Variants in PLCXD1 observed in about 807,000 individuals in gnomAD.
The protein encoded by PLCXD1 is PI-PLC X domain-containing protein 1.
In PLCXD1, 45 loss-of-function variants were observed where a neutral mutation model predicts 37.8. The observed-to-expected ratio is 1.19, with a 90% confidence interval of 0.94 to 1.53. PLCXD1 has a LOEUF of 1.53. Ranked by LOEUF, PLCXD1 falls within the 40% of genes most tolerant of loss-of-function variation. The pLI, the probability that PLCXD1 is intolerant of heterozygous loss-of-function variation, is 0.00. For synonymous variants in PLCXD1, 246 were observed against 206.9 expected (o/e 1.19, Z -1.62); for missense variants, 539 against 454.7 (o/e 1.19, Z -1.69).
At chrX:281,081 AGGCCGTGCAGGGGGAGGGGG>A (rs2069262884), upstream of PLCXD1, 1 of 11,462 alleles carries the variant, frequency 8.7e-5, no homozygotes, top group African/African-American at 5.3e-4. Context: ...GGGGGAGGGG[AGGCCGTGCAGGGGGAGGGGG>A]GGCCGTGCAG....
At chrX:293,564 G>A (rs1470964455) in intron 6 of PLCXD1, among the ~76,000 whole-genome samples, 3 of 152,036 alleles carry the variant, frequency 2.0e-5, no homozygotes, top group East Asian at 1.9e-4. Context: ...GTTCGAGACC[G>A]GCCTGACCAA....
chrX:289,385 C>T (rs1273837827), intron 3 of PLCXD1, among the ~76,000 whole-genome samples: 1 of 151,954 alleles, frequency 6.6e-6, no homozygotes, highest in Non-Finnish European at 1.5e-5. Context: ...CCGCGCCCGG[C>T]CCAGCATTTT....
upstream of PLCXD1, among the ~76,000 whole-genome samples, chrX:279,775 G>GAAAA (rs1557374205): frequency 7.1e-6 from 1 of 140,330 alleles, no homozygotes; most frequent in African/African-American, 2.6e-5. Context: ...CCCTGTCTCT[G>GAAAA]AAAAAAAAAA....
At position 298,929 on chromosome X, in the gene PLCXD1, T is replaced by C. The variant is rs183151723; in HGVS notation, c.734-168T>C. ...CGACGTGAGCATCTTTGGGGTTGTC[T>C]ACTGCCCACCACGCTTTATAAGCAA... On this transcript the variant is annotated intron_variant, in intron 6 of 6. Transcript: ENST00000381657. Among the ~76,000 whole-genome samples, 796 of 152,254 alleles carry C rather than the reference T, an allele frequency of 5.2e-3. 9 individuals carry two copies. The highest frequency in any genetic ancestry group is 0.018 in the African/African-American group (758 of 41,530).
Position 298,683 on chromosome X carries a change from T to C in PLCXD1, c.734-414T>C, listed in dbSNP as rs1244828797. 3.8e-5 allele frequency among the ~76,000 whole-genome samples: 2 copies of C among 52,694 alleles called. 1 individual carries two copies. The highest frequency in any genetic ancestry group is 3.9e-4 in the African/African-American group (2 of 5,118). The allele number at this position is 52,694 out of a possible 152,430, so 34.6% of individuals were successfully genotyped here. ...TAGGACGTGGACATCTTTGGGGACATTATTCTGTCTATCACATGGGGATCA... is the reference window on the plus strand; with the variant it reads ...TAGGACGTGGACATCTTTGGGGACACTATTCTGTCTATCACATGGGGATCA... On this transcript the variant is annotated intron_variant, in intron 6 of 6. Transcript: ENST00000381657.
In PLCXD1 at chrX:299,324, C is replaced by T; in HGVS notation, c.961C>T (p.Leu321=). 6.2e-7 allele frequency: 1 copy of T among 1,611,714 alleles called. No homozygotes were observed. Among genetic ancestry groups the T allele is most frequent in the Non-Finnish European group, 8.5e-7 (1 of 1,177,854 alleles). The stretch of plus-strand genomic sequence containing the variant: ...CGTCATCGCGCTCAATCAGAAGCTG[C>T]TGTGGTGCTGACGGGACCCTTCTGA... ...SDVIALNQKL[L]WC is the part of the protein sequence containing the mutation. Residue 321 remains leucine, a synonymous_variant, in exon 7 of 7, where the codon CTG becomes TTG. Transcript: ENST00000381657.
chrX:288,952 C>A (rs1368071578), intron 3 of PLCXD1, 83 bp downstream of exon 3: 1 of 1,383,488 alleles, frequency 7.2e-7, no homozygotes, highest in African/African-American at 1.4e-5. Context: ...TGGCCCCTCA[C>A]CCAGGTAGGG....
chrX:294,259 G>A (rs899308180), intron 6 of PLCXD1, among the ~76,000 whole-genome samples: 1 of 152,088 alleles, frequency 6.6e-6, no homozygotes, highest in Non-Finnish European at 1.5e-5. Flanking sequence ...GAGGCGGGCG[G>A]ATCATGAGGT....
In PLCXD1 at chrX:298,995, C is replaced by G. The variant is rs2069905066; in HGVS notation, c.734-102C>G. The G allele has an allele frequency of 8.7e-6, 8 of 919,362 alleles. No homozygotes were observed. The East Asian group carries it at 1.2e-4, about 14-fold the overall frequency. The allele number at this position is 919,362 out of a possible 1,614,324, so 57.0% of individuals were successfully genotyped here. ...CTTGTTGGACATGGTGCTTTCAACT[C>G]TTAATTCCTGAGATGCGAACCTCTA... On this transcript the variant is annotated intron_variant, in intron 6 of 6. Transcript: ENST00000381657.
chrX:287,854 G>C (rs2069508007), intron 2 of PLCXD1, among the ~76,000 whole-genome samples: 1 of 151,910 alleles, frequency 6.6e-6, no homozygotes, highest in Non-Finnish European at 1.5e-5. Flanking sequence ...ACAAAGGTCT[G>C]TGTTTCTTGC....
At chrX:281,317 G>A (rs1185072668), upstream of PLCXD1, 3 of 161,268 alleles carry the variant, frequency 1.9e-5, no homozygotes, top group Non-Finnish European at 2.7e-5. Flanking sequence ...GATAAAGAAT[G>A]GGCTCCTCCT....
chrX:296,760 G>C (rs893339077), intron 6 of PLCXD1, among the ~76,000 whole-genome samples: 70 of 147,104 alleles, frequency 4.8e-4, no homozygotes, highest in African/African-American at 1.8e-3. Context: ...ATGTGGACAA[G>C]TTTGGGGCCA....
chrX:292,920 C>A, intron 5 of PLCXD1, 115 bp from the exon 6 acceptor site: 1 of 672,376 alleles, frequency 1.5e-6, no homozygotes, highest in South Asian at 2.3e-5. Flanking sequence ...GCCAGAATTT[C>A]ATTTTTGGTT....
rs973616736 is a variant in PLCXD1 at position 299,659 on chromosome X, A to G, written c.*324A>G. 7 of 455,944 alleles carry G rather than the reference A, an allele frequency of 1.5e-5. No homozygotes were observed. Among genetic ancestry groups the G allele is most frequent in the Non-Finnish European group, 2.8e-5 (7 of 251,598 alleles). The allele number at this position is 455,944 out of a possible 1,614,324, so 28.2% of individuals were successfully genotyped here. A position where few individuals can be genotyped will look rare whatever the true frequency, so the allele number is the denominator to read the frequency against. On this transcript the variant is annotated 3_prime_UTR_variant, in exon 7 of 7. Coordinates refer to ENST00000381657, the MANE Select transcript of PLCXD1 (RefSeq NM_018390.4). ...GTAGTCCCAGTTACTCGGGAGGCTCAGGCAGGAGAACTGCTTGAAGCCGGG... is the reference window on the plus strand; with the variant it reads ...GTAGTCCCAGTTACTCGGGAGGCTCGGGCAGGAGAACTGCTTGAAGCCGGG...
intron 6 of PLCXD1, among the ~76,000 whole-genome samples, chrX:295,650 G>T (rs1185060427): frequency 1.0e-4 from 15 of 148,412 alleles, no homozygotes; most frequent in Non-Finnish European, 2.2e-4. Flanking sequence ...TCAGCCTCCT[G>T]AGTAGCTGGG....
intron 6 of PLCXD1, 49 bp from the exon 7 acceptor site, chrX:299,048 C>G (rs772527833): frequency 2.2e-6 from 3 of 1,348,124 alleles, no homozygotes; most frequent in Non-Finnish European, 3.2e-6. Context: ...GAGAAACAGG[C>G]GGGTGAGGCC....
intron 5 of PLCXD1, among the ~76,000 whole-genome samples, chrX:292,541 C>T (rs1241437533): frequency 1.3e-5 from 2 of 152,148 alleles, no homozygotes; most frequent in African/African-American, 2.4e-5. Flanking sequence ...TTCCTGGCCT[C>T]GAGTGATCCT....
intron 1 of PLCXD1, 123 bp from the exon 2 acceptor site, chrX:284,044 C>T (rs2069365216): frequency 1.3e-6 from 1 of 748,892 alleles, no homozygotes; most frequent in Non-Finnish European, 2.3e-6. Context: ...GTGCCCACCA[C>T]CACGCCCAGC....
rs1346538598 is a variant in PLCXD1 at position 302,225 on chromosome X, G to C, written c.*2890G>C. ...TTCTTTCAGTGGCCTCTCTGTGCTA[G>C]TCCCGGTCACCTCCGTGAATTAAAG... On this transcript the variant is annotated 3_prime_UTR_variant, in exon 7 of 7. Transcript: ENST00000381657. The C allele has an allele frequency of 2.0e-5, 3 of 151,508 alleles. No homozygotes were observed. The highest frequency in any genetic ancestry group is 1.3e-4 in the Admixed American group (2 of 15,150). The allele number at this position is 151,508 out of a possible 1,614,324, so 9.4% of individuals were successfully genotyped here.
Sources: gnomAD v4.1 joint callset for allele counts (sites outside exome capture counted in the v4.1 genomes callset) on GRCh38, gnomAD v4.1.1 for gene constraint, MANE v1.5 for transcripts, NCBI Gene and HGNC (gene_info 2026-07-23, HGNC 2026-07-21) for gene names.